MSI2: variants seen among roughly 807,000 people sequenced by gnomAD.
MSI2 encodes the protein RNA-binding protein Musashi homolog 2.
Under a neutral mutation model 45.6 loss-of-function variants are expected in MSI2, and 17 were observed. The ratio of observed to expected loss-of-function variants is 0.37; its 90% CI spans 0.26 to 0.56. The LOEUF (loss-of-function observed/expected upper bound fraction) is 0.56. MSI2 is among the 20% of genes least tolerant of loss of function. MSI2 has a pLI of 0.77. For missense variants in MSI2, 293 were observed against 444.2 expected, an observed-to-expected ratio of 0.66 and a Z score of 3.06; for synonymous variants, 156 against 158.2, an observed-to-expected ratio of 0.99 and a Z score of 0.11.
the MSI2 span, among the ~76,000 whole-genome samples, chr17:57,695,795 T>C: frequency 6.6e-6 from 1 of 152,310 alleles, no homozygotes; most frequent in East Asian, 1.9e-4. Context: ...TTCTAGAAAC[T>C]GGAAGTCCAA....
At chr17:57,485,586 G>C (rs1417068448) in intron 6 of MSI2, among the ~76,000 whole-genome samples, 1 of 152,146 alleles carries the variant, frequency 6.6e-6, no homozygotes, top group Non-Finnish European at 1.5e-5. Context: ...TCAACAGTTG[G>C]GGAAATGTGG....
intron 6 of MSI2, among the ~76,000 whole-genome samples, chr17:57,526,500 C>A (rs1186113885): frequency 6.6e-6 from 1 of 151,672 alleles, no homozygotes; most frequent in African/African-American, 2.4e-5. Flanking sequence ...CTTAACTGTG[C>A]CCCTTATTTT....
chr17:57,261,415 G>A (rs1907296729), intron 4 of MSI2, among the ~76,000 whole-genome samples: 1 of 151,778 alleles, frequency 6.6e-6, no homozygotes. Flanking sequence ...TTGGGTTTAG[G>A]TTGCTTATAG....
Position 57,336,847 on chromosome 17 carries a change from C to T in MSI2, c.313-64532C>T, listed in dbSNP as rs943050142. ...AAAATAGCAAACGTTTATCATCTCACGGTGTCTGAGGGTCAGGAATCTGGA... is the reference window on the plus strand; with the variant it reads ...AAAATAGCAAACGTTTATCATCTCATGGTGTCTGAGGGTCAGGAATCTGGA... On this transcript the variant is annotated intron_variant, in intron 5 of 13. Coordinates refer to ENST00000284073, the MANE Select transcript of MSI2 (RefSeq NM_138962.4). 5.3e-5 allele frequency among the ~76,000 whole-genome samples: 8 copies of T among 152,160 alleles called. No individual in the cohort carries two copies. The East Asian group carries it at 5.8e-4, about 11-fold the overall frequency.
At chr17:57,539,257 G>T (rs977795660) in intron 7 of MSI2, among the ~76,000 whole-genome samples, 63 of 149,992 alleles carry the variant, frequency 4.2e-4, no homozygotes, top group Middle Eastern at 3.4e-3. Flanking sequence ...ATCTTGGCTC[G>T]CTGCAATACT....
chr17:57,262,015 C>T, intron 4 of MSI2, 136 bp from the exon 5 acceptor site: 2 of 872,470 alleles, frequency 2.3e-6, no homozygotes, highest in East Asian at 2.7e-5. Context: ...GTTTAAGAAA[C>T]TTTTGAGTTG....
intron 5 of MSI2, among the ~76,000 whole-genome samples, chr17:57,353,566 G>T (rs1916198371): frequency 6.6e-6 from 1 of 152,212 alleles, no homozygotes; most frequent in Admixed American, 6.5e-5. Context: ...TTAGGGAGTA[G>T]TTGGTGGAGA....
intron 5 of MSI2, among the ~76,000 whole-genome samples, chr17:57,311,370 A>T (rs1035392324): frequency 6.6e-6 from 1 of 152,168 alleles, no homozygotes; most frequent in Non-Finnish European, 1.5e-5. Flanking sequence ...TCATTTTGCA[A>T]AGGATTAAAG....
chr17:57,358,063 G>T (rs1050648236), intron 5 of MSI2, among the ~76,000 whole-genome samples: 8 of 152,188 alleles, frequency 5.3e-5, no homozygotes, highest in Admixed American at 5.2e-4. Context: ...CACTTGGCAG[G>T]CTTGGCTCCC....
chr17:57,633,344 G>A (rs1263022003), intron 10 of MSI2, among the ~76,000 whole-genome samples: 3 of 152,212 alleles, frequency 2.0e-5, no homozygotes, highest in Non-Finnish European at 4.4e-5. Context: ...CCTGCCTCCT[G>A]GCATCCCCTG....
chr17:57,441,298 G>T (rs766405983), intron 6 of MSI2, among the ~76,000 whole-genome samples: 12 of 152,130 alleles, frequency 7.9e-5, no homozygotes, highest in Non-Finnish European at 1.6e-4. Flanking sequence ...CTGCCCTGAG[G>T]CTCTTGAATA....
chr17:57,623,568 A>G (rs1908510033), intron 9 of MSI2, among the ~76,000 whole-genome samples: 1 of 152,186 alleles, frequency 6.6e-6, no homozygotes, highest in Admixed American at 6.5e-5. Flanking sequence ...AGAGGTGGTC[A>G]CCCTGGCAGA....
chr17:57,575,042 G>A (rs1183449148), intron 7 of MSI2, among the ~76,000 whole-genome samples: 2 of 152,024 alleles, frequency 1.3e-5, no homozygotes, highest in African/African-American at 2.4e-5. Flanking sequence ...GTGTTAGCCA[G>A]GATGGTCTCA....
chr17:57,571,782 C>T (rs535847285), intron 7 of MSI2, among the ~76,000 whole-genome samples: 3 of 152,308 alleles, frequency 2.0e-5, no homozygotes, highest in Admixed American at 1.3e-4. Context: ...TTCTTTTCCT[C>T]TCTGTTCCCA....
In MSI2 at chr17:57,652,232, C is replaced by A; in HGVS notation, c.790+71C>A. On this transcript the variant is annotated intron_variant, in intron 11 of 13. Coordinates refer to ENST00000284073, the MANE Select transcript of MSI2 (RefSeq NM_138962.4). The surrounding 1 kb of genome is among the most constrained non-coding windows in gnomAD (Gnocchi z 4.1). Reference sequence around the variant, plus strand: ...GTGCAGGGGGAGGTCAAGGCCCTGTCGGATCTGTGTGGCTGCATCTGTCCA... The same window carrying A: ...GTGCAGGGGGAGGTCAAGGCCCTGTAGGATCTGTGTGGCTGCATCTGTCCA... The A allele has an allele frequency of 7.0e-7, 1 of 1,427,830 alleles. No homozygotes were observed. Among genetic ancestry groups the A allele is most frequent in the South Asian group, 1.2e-5 (1 of 86,740 alleles). The allele number at this position is 1,427,830 out of a possible 1,614,324, so 88.4% of individuals were successfully genotyped here.
intron 6 of MSI2, among the ~76,000 whole-genome samples, chr17:57,418,812 G>A (rs1479248736): frequency 1.3e-5 from 2 of 152,172 alleles, no homozygotes; most frequent in Non-Finnish European, 2.9e-5. Flanking sequence ...AGGAAAAAAT[G>A]GATCCACATG....
chr17:57,320,293 C>A (rs1212002899), intron 5 of MSI2, among the ~76,000 whole-genome samples: 1 of 152,156 alleles, frequency 6.6e-6, no homozygotes, highest in Non-Finnish European at 1.5e-5. Context: ...TGTATGAGGA[C>A]TGGCTCTATC....
intron 5 of MSI2, among the ~76,000 whole-genome samples, chr17:57,319,314 C>T (rs1404265128): frequency 2.0e-5 from 3 of 152,174 alleles, no homozygotes; most frequent in Admixed American, 2.0e-4. Flanking sequence ...AGCGAGGTGA[C>T]CTTCTCAAGA....
chr17:57,625,885 A>T (rs1382947462), intron 9 of MSI2: 1 of 152,234 alleles, frequency 6.6e-6, no homozygotes, highest in Non-Finnish European at 1.5e-5. Context: ...CTCAGGAATG[A>T]CCTGGTCAGG....
Sources: allele counts gnomAD v4.1 joint callset (sites outside exome capture counted in the v4.1 genomes callset), GRCh38; gene constraint gnomAD v4.1.1; non-coding constraint Gnocchi (gnomAD v3.1); transcripts MANE v1.5; gene names NCBI Gene and HGNC (gene_info 2026-07-23, HGNC 2026-07-21).